Variants in MANEA observed in about 807,000 individuals in gnomAD.
MANEA encodes glycoprotein endo-alpha-1,2-mannosidase.
In MANEA, 25 loss-of-function variants were observed where a neutral mutation model predicts 36.8. The observed-to-expected ratio is 0.68, with a 90% CI of 0.50 to 0.95. The LOEUF (loss-of-function observed/expected upper bound fraction) is 0.95. Among genes scored for constraint, MANEA ranks in the 40% least tolerant of loss-of-function variants. The pLI, the probability that MANEA is intolerant of heterozygous loss-of-function variation, is 0.00. For missense variants in MANEA, 565 were observed against 558.8 expected, an observed-to-expected ratio of 1.01 and a Z score of -0.11; for synonymous variants, 198 against 188.5, an observed-to-expected ratio of 1.05 and a Z score of -0.41.
rs1325042814 is a variant in MANEA, at chr6:95,586,980, A to T, written c.541A>T (p.Ile181Phe). The T allele has an allele frequency of 6.5e-7, 1 of 1,535,356 alleles. No individual in the cohort carries two copies. Among genetic ancestry groups the T allele is most frequent in the Non-Finnish European group, 8.9e-7 (1 of 1,120,258 alleles). ...CATGAGACAAATGCGCTCAGCTTCA[A>T]TTGGTAATTATTGTATATATATATA... ...THMRQMRSASIGVLALSWYPP... is the reference protein window; with the variant it reads ...THMRQMRSASFGVLALSWYPP... Residue 181 changes from isoleucine (I) to phenylalanine (F), a missense_variant, in exon 2 of 5, where the codon ATT becomes TTT. Physicochemically the swap from Ile to Phe is conservative, Grantham distance 21. Coordinates refer to ENST00000358812, the MANE Select transcript of MANEA (RefSeq NM_024641.4).
intron 2 of MANEA, among the ~76,000 whole-genome samples, chr6:95,593,949 G>C (rs932542235): frequency 6.6e-6 from 1 of 152,008 alleles, no homozygotes; most frequent in Admixed American, 6.6e-5. Context: ...GATTCTATCT[G>C]TAATCGATAG....
chr6:95,603,545 A>AT (rs139608586), intron 3 of MANEA, among the ~76,000 whole-genome samples: 2,241 of 151,976 alleles, frequency 0.015, 44 homozygotes, highest in African/African-American at 0.052. Context: ...AGAAAATTAT[A>AT]TTTTTTTTAA....
In MANEA at chr6:95,581,532, A is replaced by G. The variant is rs528630469; in HGVS notation, c.-39+3894A>G. 2.0e-5 allele frequency among the ~76,000 whole-genome samples: 3 copies of G among 152,314 alleles called. No homozygotes were observed. The South Asian group carries it at 6.2e-4, about 32-fold the overall frequency. On this transcript the variant is annotated intron_variant, in intron 1 of 4. Transcript: ENST00000358812. ...TCACTTTTCATTTATTTATAAATTC[A>G]TTAGTATTTACTGTTTGATTAAAAC...
intron 1 of MANEA, among the ~76,000 whole-genome samples, chr6:95,578,136 A>T (rs73546743): frequency 0.01 from 1,538 of 152,326 alleles, 28 homozygotes; most frequent in African/African-American, 0.036. Context: ...GCCTCTGGGC[A>T]TCGGGAGGAG....
At chr6:95,593,501 C>T (rs745337850) in intron 2 of MANEA, among the ~76,000 whole-genome samples, 16 of 152,098 alleles carry the variant, frequency 1.1e-4, no homozygotes, top group Non-Finnish European at 1.6e-4. Context: ...AATATGGCAG[C>T]GCTATCCAGT....
At chr6:95,583,125 T>C (rs1458065661) in intron 1 of MANEA, among the ~76,000 whole-genome samples, 1 of 152,190 alleles carries the variant, frequency 6.6e-6, no homozygotes, top group African/African-American at 2.4e-5. Context: ...TATATAGTTA[T>C]TAAAACAAAA....
chr6:95,584,960 G>A (rs1769253685), intron 1 of MANEA, among the ~76,000 whole-genome samples: 1 of 152,126 alleles, frequency 6.6e-6, no homozygotes, highest in South Asian at 2.1e-4. Flanking sequence ...TTTTCTATTG[G>A]AGTTAAGTCT....
chr6:95,589,949 A>G (rs892608101), intron 2 of MANEA: 1 of 152,132 alleles, frequency 6.6e-6, no homozygotes, highest in African/African-American at 2.4e-5. Context: ...GAGGGAAAAG[A>G]GAGTCAGAGG....
rs931907062 is a variant in MANEA, at chr6:95,605,919, C to A, written c.903C>A (p.Ala301=). Residue 301 remains alanine (A), a synonymous_variant, in exon 5 of 5, where the codon GCC becomes GCA. Coordinates refer to ENST00000358812, the MANE Select transcript of MANEA (RefSeq NM_024641.4). ...RNSPYDGLFI[A]LLVEEKHKYD... The stretch of plus-strand genomic sequence containing the variant: ...CTCCTTATGATGGACTGTTTATTGC[C>A]CTTCTGGTAGAAGAAAAACATAAGT... The A allele has an allele frequency of 6.2e-7, 1 of 1,613,698 alleles. No homozygotes were observed. Among genetic ancestry groups the A allele is most frequent in the East Asian group, 2.2e-5 (1 of 44,876 alleles).
rs551351882 is a variant in MANEA, at chr6:95,606,011, G to T, written c.995G>T (p.Gly332Val). The change falls in exon 5 of 5, where the codon GGC becomes GTC. Residue 332 changes from glycine (G) to valine (V), a missense_variant. Coordinates refer to ENST00000358812, the MANE Select transcript of MANEA (RefSeq NM_024641.4). ...TTTGCCACAAATGGCTTTACTTATG[G>T]CTCATCACATCAGAATTGGGCTAGC... The part of the protein sequence containing the change: ...TYFATNGFTY[G>V]SSHQNWASLK... 6.2e-7 allele frequency: 1 copy of T among 1,613,812 alleles called. No individual in the cohort carries two copies. The highest frequency in any genetic ancestry group is 1.3e-5 in the African/African-American group (1 of 74,950).
intron 2 of MANEA, among the ~76,000 whole-genome samples, chr6:95,588,005 T>C (rs750952123): frequency 3.3e-5 from 5 of 152,110 alleles, no homozygotes; most frequent in Non-Finnish European, 5.9e-5. Context: ...CTGATTCTTA[T>C]TGTTGTTCCC....
At chr6:95,581,467 A>T (rs546243002) in intron 1 of MANEA, among the ~76,000 whole-genome samples, 2 of 152,348 alleles carry the variant, frequency 1.3e-5, no homozygotes, top group African/African-American at 4.8e-5. Context: ...TGTATCCAGA[A>T]AATGAACCTA....
intron 3 of MANEA, among the ~76,000 whole-genome samples, chr6:95,602,749 G>A (rs577051783): frequency 2.0e-4 from 30 of 152,016 alleles, no homozygotes; most frequent in Admixed American, 1.2e-3. Flanking sequence ...GGCCGGGCGC[G>A]GTGGCTCACG....
chr6:95,604,061 G>GGTGGGTGTGT (rs1769656562), intron 3 of MANEA, among the ~76,000 whole-genome samples: 1 of 138,320 alleles, frequency 7.2e-6, no homozygotes, highest in Admixed American at 7.3e-5. Flanking sequence ...TATGTATGTA[G>GGTGGGTGTGT]GTGTGTGTGT....
At position 95,606,477 on chromosome 6, in the gene MANEA, A is replaced by G; in HGVS notation, c.*72A>G. On this transcript the variant is annotated 3_prime_UTR_variant, in exon 5 of 5. Transcript: ENST00000358812. ...AAATAGCTTTCGTTTTGAGTTCTGG[A>G]AAGAAAACTGTCAAAATCAGTATAT... 2 of 1,125,132 alleles carry G rather than the reference A, an allele frequency of 1.8e-6. No homozygotes were observed. The highest frequency in any genetic ancestry group is 1.7e-5 in the South Asian group (1 of 59,730). 69.7% of individuals were successfully genotyped at this position (1,125,132 alleles called of 1,614,324 possible).
At chr6:95,582,418 C>T (rs984642814) in intron 1 of MANEA, among the ~76,000 whole-genome samples, 7 of 152,010 alleles carry the variant, frequency 4.6e-5, no homozygotes, top group South Asian at 2.1e-4. Flanking sequence ...CTCCTGACCT[C>T]GTGATCTGCC....
At chr6:95,579,544 C>T (rs1281711806) in intron 1 of MANEA, among the ~76,000 whole-genome samples, 1 of 151,774 alleles carries the variant, frequency 6.6e-6, no homozygotes, top group Non-Finnish European at 1.5e-5. Context: ...TCTCCGGTGG[C>T]TTCATACAAA....
At chr6:95,593,797 C>T (rs1391756985) in intron 2 of MANEA, among the ~76,000 whole-genome samples, 1 of 152,056 alleles carries the variant, frequency 6.6e-6, no homozygotes, top group Non-Finnish European at 1.5e-5. Context: ...CCTGTAATCC[C>T]AGCACTTTGG....
In MANEA at chr6:95,604,861, A is replaced by T; in HGVS notation, c.689A>T (p.Asp230Val). 1 of 1,492,768 alleles carries T rather than the reference A, an allele frequency of 6.7e-7. No homozygotes were observed. Among genetic ancestry groups the T allele is most frequent in the Non-Finnish European group, 9.1e-7 (1 of 1,103,536 alleles). The allele number at this position is 1,492,768 out of a possible 1,614,324, so 92.5% of individuals were successfully genotyped here. ...CACATAGAACCATATAGCAATCGAG[A>T]TGATCAAAACATGTACAAAAATGTC... is the stretch of plus-strand genomic sequence containing the variant. ...TFHIEPYSNR[D>V]DQNMYKNVKY... The change falls in exon 4 of 5, where the codon GAT (aspartate) becomes GTT (valine). Residue 230 changes from aspartate to valine, a missense_variant. Asp to Val is a radical substitution (Grantham distance 152, BLOSUM62 -3). Coordinates refer to ENST00000358812, the MANE Select transcript of MANEA (RefSeq NM_024641.4).
Sources: allele counts gnomAD v4.1 joint callset (sites outside exome capture counted in the v4.1 genomes callset), GRCh38; gene constraint gnomAD v4.1.1; transcripts MANE v1.5; gene names NCBI Gene and HGNC (gene_info 2026-07-23, HGNC 2026-07-21).